The following UBE2V1 variants were observed in gnomAD, a reference collection of about 807,000 sequenced individuals.
UBE2V1 encodes ubiquitin-conjugating enzyme E2 variant 1.
A neutral mutation model predicts 19.6 loss-of-function variants in UBE2V1; 15 were observed. That is an observed-to-expected ratio of 0.77 (90% CI 0.51 to 1.18). The LOEUF is 1.18. Among genes scored for constraint, UBE2V1 ranks in the 50% most tolerant of loss-of-function variants. The pLI is 0.00. For missense variants in UBE2V1, 125 were observed against 184.8 expected (o/e 0.68, Z 1.88); for synonymous variants, 60 against 60.7 (o/e 0.99, Z 0.05).
chr20:50,096,074 C>T (rs2079602021), intron 2 of UBE2V1: 1 of 152,590 alleles, frequency 6.6e-6, no homozygotes, highest in Non-Finnish European at 1.5e-5. Context: ...AAACGGTTGG[C>T]TGGCATTATG....
chr20:50,112,968 G>A, intron 1 of UBE2V1, 139 bp downstream of exon 1: 1 of 396,320 alleles, frequency 2.5e-6, no homozygotes, highest in Non-Finnish European at 4.4e-6. Flanking sequence ...CGGTCAGGCC[G>A]CGCCGGTGGC....
intron 1 of UBE2V1, among the ~76,000 whole-genome samples, chr20:50,110,932 A>T (rs1442058151): frequency 1.3e-5 from 2 of 152,166 alleles, no homozygotes; most frequent in Non-Finnish European, 2.9e-5. Context: ...GACTCAGCTG[A>T]AATGTCACTT....
rs1253661334 is a variant in UBE2V1, at chr20:50,082,149, G to C, written c.*619C>G. On this transcript the variant is annotated 3_prime_UTR_variant, in exon 4 of 4. Coordinates refer to ENST00000371674, the MANE Select transcript of UBE2V1 (RefSeq NM_001032288.3). ...CACCGAAGGCCAATCTCAGAGGGGA[G>C]TGGAGGGGTTACAATCTATGCTTCG... is the stretch of plus-strand genomic sequence containing the variant. 6.1e-6 allele frequency: 1 copy of C among 162,668 alleles called. No homozygotes were observed. The highest frequency in any genetic ancestry group is 6.4e-5 in the Admixed American group (1 of 15,580). The allele number at this position is 162,668 out of a possible 1,614,324, so 10.1% of individuals were successfully genotyped here.
intron 1 of UBE2V1, among the ~76,000 whole-genome samples, chr20:50,103,765 C>T (rs772352688): frequency 2.6e-5 from 4 of 152,044 alleles, no homozygotes; most frequent in Non-Finnish European, 4.4e-5. Flanking sequence ...TCAGGAGAGG[C>T]CCTCTCAGAG....
chr20:50,086,053 G>A (rs916089864), intron 2 of UBE2V1, among the ~76,000 whole-genome samples: 26 of 152,152 alleles, frequency 1.7e-4, no homozygotes, highest in African/African-American at 6.0e-4. Context: ...CCAGACCAAC[G>A]TCTTAAAAAC....
chr20:50,108,586 T>C (rs539959362), intron 1 of UBE2V1, among the ~76,000 whole-genome samples: 6 of 152,320 alleles, frequency 3.9e-5, no homozygotes, highest in South Asian at 4.1e-4. Context: ...TCACAATCGA[T>C]ACCTGCCTCA....
chr20:50,084,675 C>A, intron 2 of UBE2V1: 1 of 392,252 alleles, frequency 2.5e-6, no homozygotes, highest in Non-Finnish European at 5.0e-6. Flanking sequence ...CAGAACAGGT[C>A]ACTGCTTTAG....
intron 1 of UBE2V1, among the ~76,000 whole-genome samples, chr20:50,098,675 G>A (rs1226468473): frequency 6.6e-6 from 1 of 152,172 alleles, no homozygotes; most frequent in Non-Finnish European, 1.5e-5. Context: ...TCGGTGGTAT[G>A]TGATTGAACA....
intron 2 of UBE2V1, among the ~76,000 whole-genome samples, chr20:50,094,740 G>C (rs2079523545): frequency 6.6e-6 from 1 of 152,094 alleles, no homozygotes; most frequent in Admixed American, 6.6e-5. Context: ...ATGTGGGAGG[G>C]AGAATGGGGG....
intron 2 of UBE2V1, among the ~76,000 whole-genome samples, chr20:50,089,373 G>A (rs2079095810): frequency 6.6e-6 from 1 of 152,190 alleles, no homozygotes; most frequent in African/African-American, 2.4e-5. Context: ...CAGAAAGCTG[G>A]AGGTTGAAAC....
At position 50,096,703 on chromosome 20, in the gene UBE2V1, C is replaced by T. The variant is rs1568994192; in HGVS notation, c.140G>A (p.Arg47Lys). The change falls in exon 2 of 4, where the codon AGA becomes AAA. Residue 47 changes from arginine to lysine, a missense_variant. Coordinates refer to ENST00000371674, the MANE Select transcript of UBE2V1 (RefSeq NM_001032288.3). Reference sequence around the variant, plus strand: ...AGGCCCAATTATCATCCCTGTCCATCTTGTAAGTGTCATGTCTTCGTCATC... The same window carrying T: ...AGGCCCAATTATCATCCCTGTCCATTTTGTAAGTGTCATGTCTTCGTCATC... ...LEDDEDMTLT[R>K]WTGMIIGPPR... 12 of 1,614,150 alleles carry T rather than the reference C, an allele frequency of 7.4e-6. No homozygotes were observed. Among genetic ancestry groups the T allele is most frequent in the Non-Finnish European group, 9.3e-6 (11 of 1,180,014 alleles).
At chr20:50,108,991 G>A in intron 1 of UBE2V1, 1 of 985,384 alleles carries the variant, frequency 1.0e-6, no homozygotes, top group South Asian at 4.7e-5. Flanking sequence ...TTTCCTGCAG[G>A]CTGGTGAGGG....
intron 1 of UBE2V1, among the ~76,000 whole-genome samples, chr20:50,106,108 C>G (rs71353204): frequency 6.6e-6 from 1 of 150,804 alleles, no homozygotes; most frequent in Non-Finnish European, 1.5e-5. Flanking sequence ...TATGAAAATG[C>G]TAAAAAAAAA....
intron 1 of UBE2V1, among the ~76,000 whole-genome samples, chr20:50,106,260 TA>T (rs1440949455): frequency 1.3e-5 from 2 of 152,214 alleles, no homozygotes; most frequent in Non-Finnish European, 2.9e-5. Context: ...GTTATTCTCT[TA>T]GCTAAATATA....
At chr20:50,100,406 T>C (rs1303778963) in intron 1 of UBE2V1, among the ~76,000 whole-genome samples, 1 of 150,954 alleles carries the variant, frequency 6.6e-6, no homozygotes, top group African/African-American at 2.4e-5. Flanking sequence ...GCTAGTATGA[T>C]GAAACTCCGT....
intron 2 of UBE2V1, among the ~76,000 whole-genome samples, chr20:50,094,025 T>TAAAAA (rs2079422757): frequency 9.7e-6 from 1 of 103,142 alleles, no homozygotes; most frequent in African/African-American, 4.2e-5. Context: ...ATAATAATAA[T>TAAAAA]AATAATAAAA....
At chr20:50,087,152 T>TG (rs1314309392) in intron 2 of UBE2V1, among the ~76,000 whole-genome samples, 1 of 151,790 alleles carries the variant, frequency 6.6e-6, no homozygotes, top group African/African-American at 2.4e-5. Context: ...TCTCGGCATC[T>TG]GGGGGGGCCG....
At chr20:50,091,539 T>C (rs1480754861) in intron 2 of UBE2V1, among the ~76,000 whole-genome samples, 5 of 151,078 alleles carry the variant, frequency 3.3e-5, no homozygotes, top group Non-Finnish European at 7.4e-5. Context: ...GTCAGGCATC[T>C]GCCACCGCGC....
upstream of UBE2V1, chr20:50,115,638 C>A: frequency 7.4e-7 from 1 of 1,348,910 alleles, no homozygotes; most frequent in South Asian, 1.8e-5. Flanking sequence ...AGATAAAATG[C>A]TTTCCTAAAA....
Sources: gnomAD v4.1 joint callset for allele counts (sites outside exome capture counted in the v4.1 genomes callset) on GRCh38, gnomAD v4.1.1 for gene constraint, MANE v1.5 for transcripts, NCBI Gene and HGNC (gene_info 2026-07-23, HGNC 2026-07-21) for gene names.